RIMS1: variants seen among roughly 807,000 people sequenced by gnomAD.
The protein encoded by RIMS1 is regulating synaptic membrane exocytosis 1, also known as regulating synaptic membrane exocytosis protein 1.
In RIMS1, 83 loss-of-function variants were observed where a neutral mutation model predicts 214.1. That is an observed-to-expected ratio of 0.39 (90% confidence interval 0.32 to 0.47). RIMS1 has a LOEUF of 0.47. RIMS1 is among the 20% of genes least tolerant of loss of function. The pLI, the probability that RIMS1 is intolerant of heterozygous loss-of-function variation, is 0.99. For synonymous variants in RIMS1, 793 were observed against 786.8 expected (o/e 1.01, Z -0.13); for missense variants, 2,050 against 2,161.8 (o/e 0.95, Z 1.03).
intron 1 of RIMS1, among the ~76,000 whole-genome samples, chr6:71,887,466 A>G (rs1396021592): frequency 6.6e-6 from 1 of 152,076 alleles, no homozygotes; most frequent in Admixed American, 6.5e-5. Flanking sequence ...GACGGGGGCC[A>G]CGCTCGTGGT....
At chr6:71,902,055 G>C (rs1280425304) in intron 1 of RIMS1, among the ~76,000 whole-genome samples, 1 of 152,054 alleles carries the variant, frequency 6.6e-6, no homozygotes, top group Non-Finnish European at 1.5e-5. Flanking sequence ...TTCAATTTGG[G>C]TTTCTTTAAG....
intron 6 of RIMS1, among the ~76,000 whole-genome samples, chr6:72,202,890 G>T (rs192828343): frequency 2.6e-5 from 4 of 152,186 alleles, no homozygotes; most frequent in African/African-American, 7.2e-5. Flanking sequence ...TGCACATACC[G>T]CATGGAGTAG....
intron 1 of RIMS1, among the ~76,000 whole-genome samples, chr6:71,907,823 G>T (rs547057568): frequency 6.6e-6 from 1 of 152,136 alleles, no homozygotes; most frequent in Non-Finnish European, 1.5e-5. Flanking sequence ...TGAAACTCTA[G>T]TAAGTTGGAT....
intron 2 of RIMS1, among the ~76,000 whole-genome samples, chr6:72,020,809 A>G (rs1814407491): frequency 6.6e-6 from 1 of 152,172 alleles, no homozygotes; most frequent in Admixed American, 6.5e-5. Flanking sequence ...AAAAGAGTGC[A>G]AGTAAGATGC....
At chr6:72,235,468 G>T in intron 7 of RIMS1, 150 bp from the exon 8 acceptor site, 1 of 530,818 alleles carries the variant, frequency 1.9e-6, no homozygotes. Context: ...CTTTCATGCG[G>T]GAACTAACAT....
At chr6:71,977,473 T>C (rs1303029380) in intron 2 of RIMS1, among the ~76,000 whole-genome samples, 1 of 152,142 alleles carries the variant, frequency 6.6e-6, no homozygotes, top group African/African-American at 2.4e-5. Context: ...AGCAGAGTCT[T>C]TGTCCTTGTA....
intron 4 of RIMS1, among the ~76,000 whole-genome samples, chr6:72,142,368 T>C (rs184511611): frequency 1.7e-4 from 26 of 152,224 alleles, no homozygotes; most frequent in Admixed American, 1.4e-3. Context: ...TATTTTGTTA[T>C]TATTTTAAAG....
chr6:72,363,652 G>T (rs2097898740), intron 29 of RIMS1, among the ~76,000 whole-genome samples: 2 of 152,034 alleles, frequency 1.3e-5, no homozygotes. Context: ...AGCACTACTG[G>T]AAACATACAA....
In RIMS1 at chr6:72,177,277, A is replaced by T. The variant is rs974327680; in HGVS notation, c.472-2298A>T. 1.3e-4 allele frequency among the ~76,000 whole-genome samples: 20 copies of T among 152,300 alleles called. No individual in the cohort carries two copies. In the South Asian group the frequency reaches 4.1e-3, roughly 32 times the overall value. On this transcript the variant is annotated intron_variant, in intron 4 of 33. Transcript: ENST00000521978. Reference sequence around the variant, plus strand: ...TTTCTTATTATTTATTTTGAGATGGAGTCTCGCTCTATCGTCCAGGCTGGA... The same window carrying T: ...TTTCTTATTATTTATTTTGAGATGGTGTCTCGCTCTATCGTCCAGGCTGGA...
At chr6:72,004,134 C>T (rs1426607790) in intron 2 of RIMS1, among the ~76,000 whole-genome samples, 2 of 150,128 alleles carry the variant, frequency 1.3e-5, no homozygotes, top group African/African-American at 4.9e-5. Flanking sequence ...GTTTTTTGTC[C>T]TTGTGATAGT....
chr6:72,224,639 T>C (rs1426557899), intron 6 of RIMS1, among the ~76,000 whole-genome samples: 5 of 152,228 alleles, frequency 3.3e-5, no homozygotes, highest in African/African-American at 1.2e-4. Context: ...AATTCCTTTC[T>C]TGAGTCAATA....
intron 22 of RIMS1, among the ~76,000 whole-genome samples, chr6:72,267,332 G>A (rs1050658724): frequency 1.3e-5 from 2 of 151,960 alleles, no homozygotes; most frequent in Non-Finnish European, 2.9e-5. Flanking sequence ...GTAAAACAAG[G>A]ATAGAAATTC....
At chr6:72,124,774 A>G (rs1267564811) in intron 4 of RIMS1, among the ~76,000 whole-genome samples, 2 of 152,030 alleles carry the variant, frequency 1.3e-5, no homozygotes, top group African/African-American at 4.8e-5. Context: ...CCAATCGGCT[A>G]CTGAAGCTTG....
chr6:72,295,912 A>G (rs754795066), intron 26 of RIMS1: 4 of 486,228 alleles, frequency 8.2e-6, no homozygotes, highest in Non-Finnish European at 1.1e-5. Flanking sequence ...TGTTTCCATC[A>G]TTATGTGCAT....
chr6:72,239,556 C>A (rs561162270), intron 9 of RIMS1, among the ~76,000 whole-genome samples: 3 of 152,220 alleles, frequency 2.0e-5, no homozygotes, highest in Admixed American at 6.5e-5. Flanking sequence ...ATATAAACAT[C>A]CTTAGCCTAT....
At chr6:72,222,265 A>G (rs1031704030) in intron 6 of RIMS1, among the ~76,000 whole-genome samples, 1 of 152,028 alleles carries the variant, frequency 6.6e-6, no homozygotes, top group African/African-American at 2.4e-5. Flanking sequence ...CAGTTACATA[A>G]TTCTCTAAAA....
At chr6:71,945,770 A>T (rs916442000) in intron 1 of RIMS1, among the ~76,000 whole-genome samples, 3 of 143,528 alleles carry the variant, frequency 2.1e-5, no homozygotes, top group Non-Finnish European at 4.5e-5. Context: ...TTTTTTGGAG[A>T]TGGAGTTTCA....
chr6:72,247,899 G>T (rs527897986), intron 11 of RIMS1, 116 bp from the exon 12 acceptor site: 5 of 680,114 alleles, frequency 7.4e-6, no homozygotes, highest in South Asian at 7.3e-5. Context: ...TTAAAAGTAG[G>T]TTCTGTTATC....
At chr6:72,064,425 G>A (rs148632343) in intron 2 of RIMS1, among the ~76,000 whole-genome samples, 13 of 152,302 alleles carry the variant, frequency 8.5e-5, no homozygotes, top group African/African-American at 2.6e-4. Context: ...GGTACTGGGA[G>A]TTAGGACTTC....
Sources: allele counts gnomAD v4.1 joint callset (sites outside exome capture counted in the v4.1 genomes callset), GRCh38; gene constraint gnomAD v4.1.1; transcripts MANE v1.5; gene names NCBI Gene and HGNC (gene_info 2026-07-23, HGNC 2026-07-21).